Variants in HPCAL1 observed in about 807,000 individuals in gnomAD.
The protein encoded by HPCAL1 is hippocalcin-like protein 1.
A neutral mutation model predicts 17.1 loss-of-function variants in HPCAL1; 8 were observed. That is an observed-to-expected ratio of 0.47 (90% CI 0.27 to 0.84). The LOEUF is 0.84. HPCAL1 is among the 40% of genes least tolerant of loss of function. HPCAL1 has a pLI of 0.13. For synonymous variants in HPCAL1, 112 were observed against 111.4 expected, an observed-to-expected ratio of 1.01 and a Z score of -0.03; for missense variants, 165 against 271.1, an observed-to-expected ratio of 0.61 and a Z score of 2.75.
chr2:10,422,038 AC>A (rs1387310011), intron 3 of HPCAL1, among the ~76,000 whole-genome samples: 1 of 152,128 alleles, frequency 6.6e-6, no homozygotes, highest in Non-Finnish European at 1.5e-5. Context: ...TGTGCCTGTC[AC>A]TGGCCGTGCA....
intron 1 of HPCAL1, among the ~76,000 whole-genome samples, chr2:10,325,316 G>GTT (rs1663941011): frequency 1.3e-5 from 2 of 152,188 alleles, no homozygotes; most frequent in Non-Finnish European, 2.9e-5. Flanking sequence ...TCAGTTCACA[G>GTT]GTGTGCTCTC....
intron 3 of HPCAL1, among the ~76,000 whole-genome samples, chr2:10,421,769 C>G (rs1671076736): frequency 6.6e-6 from 1 of 152,178 alleles, no homozygotes; most frequent in Admixed American, 6.5e-5. Flanking sequence ...TGGTAGGGAA[C>G]TTCAGGGGTG....
At position 10,426,996 on chromosome 2, in the gene HPCAL1, G is replaced by A. The variant is rs188822963; in HGVS notation, c.*175G>A. On this transcript the variant is annotated 3_prime_UTR_variant, in exon 5 of 5. Transcript: ENST00000307845. ...CCTCCCTCCTCCACCTGACCAACGC[G>A]ACATTCCTCCCCTCACGCCTGGCCC... The A allele has an allele frequency of 2.2e-4, 137 of 612,270 alleles. No homozygotes were observed. The highest frequency in any genetic ancestry group is 8.9e-4 in the Middle Eastern group (2 of 2,256). 37.9% of individuals were successfully genotyped at this position (612,270 alleles called of 1,614,324 possible).
At chr2:10,390,023 G>A (rs1225627533) in intron 1 of HPCAL1, among the ~76,000 whole-genome samples, 5 of 152,226 alleles carry the variant, frequency 3.3e-5, no homozygotes, top group African/African-American at 4.8e-5. Flanking sequence ...CAAATGCCCT[G>A]GTAGTGGGAG....
intron 1 of HPCAL1, among the ~76,000 whole-genome samples, chr2:10,349,528 C>T (rs1043837603): frequency 1.3e-5 from 2 of 151,010 alleles, no homozygotes; most frequent in Admixed American, 6.6e-5. Context: ...ACGGTGAAAC[C>T]CTGTCTCTAC....
rs899798978 is a variant in HPCAL1 at position 10,377,966 on chromosome 2, G to A, written c.-110-18869G>A. 6.6e-5 allele frequency among the ~76,000 whole-genome samples: 10 copies of A among 152,278 alleles called. No individual in the cohort carries two copies. Among genetic ancestry groups the A allele is most frequent in the South Asian group, 6.2e-4 (3 of 4,826 alleles). Reference sequence around the variant, plus strand: ...GAGGGCACGGGTGAGGCGGGGAGGCGTTTCGACTTTGGACTGAAGGCCTTA... The same window carrying A: ...GAGGGCACGGGTGAGGCGGGGAGGCATTTCGACTTTGGACTGAAGGCCTTA... On this transcript the variant is annotated intron_variant, in intron 1 of 4. Transcript: ENST00000307845. This position sits in a 1 kb window ranked among gnomAD's most constrained non-coding sequence, Gnocchi z 5.9.
rs373962278 is a variant in HPCAL1, at chr2:10,389,645, G to A, written c.-110-7190G>A. On this transcript the variant is annotated intron_variant, in intron 1 of 4. Transcript: ENST00000307845. Reference sequence around the variant, plus strand: ...TTAGAGTGGCCTGGAGGAAGACACAGTATTAAGTAAGGCTTCGTGTCTGAC... The same window carrying A: ...TTAGAGTGGCCTGGAGGAAGACACAATATTAAGTAAGGCTTCGTGTCTGAC... Among the ~76,000 whole-genome samples the A allele has an allele frequency of 6.2e-4, 95 of 152,382 alleles. 1 individual carries two copies. Among genetic ancestry groups the A allele is most frequent in the African/African-American group, 2.3e-3 (94 of 41,594 alleles).
At chr2:10,349,778 G>A (rs1490586889) in intron 1 of HPCAL1, among the ~76,000 whole-genome samples, 5 of 129,116 alleles carry the variant, frequency 3.9e-5, no homozygotes, top group Non-Finnish European at 6.4e-5. Context: ...GACATAAAAC[G>A]TTTCATTTTC....
At chr2:10,379,005 A>G (rs1004034437) in intron 1 of HPCAL1, among the ~76,000 whole-genome samples, 1 of 152,094 alleles carries the variant, frequency 6.6e-6, no homozygotes, top group Non-Finnish European at 1.5e-5. Context: ...TTTCCACTTA[A>G]GACAATATCA....
Position 10,420,209 on chromosome 2 carries a change from CTTTTTTTTTTT to C in HPCAL1, c.378+86_378+96del, listed in dbSNP as rs369044166. On this transcript the variant is annotated intron_variant, in intron 3 of 4. Coordinates refer to ENST00000307845, the MANE Select transcript of HPCAL1 (RefSeq NM_002149.4). ...CCAGCTCCCAGCCCCCAGCCCAGGG[CTTTTTTTTTTT>C]TTTTTTTTTTTAAGACAGGAATCTT... The C allele has an allele frequency of 7.7e-4, 442 of 572,008 alleles. 2 individuals are homozygous for C. Among genetic ancestry groups the C allele is most frequent in the Admixed American group, 2.3e-4 (5 of 21,550 alleles). 35.4% of individuals were successfully genotyped at this position (572,008 alleles called of 1,614,324 possible). A position where few individuals can be genotyped will look rare whatever the true frequency, so the allele number is the denominator to read the frequency against.
chr2:10,328,772 G>T (rs1664169332), intron 1 of HPCAL1, among the ~76,000 whole-genome samples: 2 of 151,884 alleles, frequency 1.3e-5, no homozygotes, highest in Admixed American at 1.3e-4. Context: ...ATATTTATTG[G>T]CTCTGTTTCT....
intron 1 of HPCAL1, among the ~76,000 whole-genome samples, chr2:10,393,051 GC>G (rs1668807322): frequency 6.6e-6 from 1 of 152,204 alleles, no homozygotes. Flanking sequence ...GTAGATCTGT[GC>G]CCAGCAGGTC....
In HPCAL1 at chr2:10,367,330, C is replaced by T. The variant is rs1666912010; in HGVS notation, c.-110-29505C>T. 1.3e-5 allele frequency among the ~76,000 whole-genome samples: 2 copies of T among 151,638 alleles called. No homozygotes were observed. On this transcript the variant is annotated intron_variant, in intron 1 of 4. Coordinates refer to ENST00000307845, the MANE Select transcript of HPCAL1 (RefSeq NM_002149.4). The surrounding 1 kb of genome is among the most constrained non-coding windows in gnomAD (Gnocchi z 4.4). ...TTGAGACAGAGTCTTGCTCTGTCAC[C>T]CAGGCTAGAGTGCGAGCTCGATCAT...
In HPCAL1 at chr2:10,330,543, G is replaced by C. The variant is rs553110627; in HGVS notation, c.-111+27366G>C. ...GGTGGCGGCAGGGTTGGTGTCACCCGAGGCCTCTCTCCTCGGCTCCGTGTA... is the reference window on the plus strand; with the variant it reads ...GGTGGCGGCAGGGTTGGTGTCACCCCAGGCCTCTCTCCTCGGCTCCGTGTA... On this transcript the variant is annotated intron_variant, in intron 1 of 4. Transcript: ENST00000307845. This position sits in a 1 kb window ranked among gnomAD's most constrained non-coding sequence, Gnocchi z 4.2. Among the ~76,000 whole-genome samples, 1 of 152,006 alleles carries C rather than the reference G, an allele frequency of 6.6e-6. No homozygotes were observed. The highest frequency in any genetic ancestry group is 1.5e-5 in the Non-Finnish European group (1 of 67,992).
At chr2:10,305,176 AG>A (rs1315132048) in intron 1 of HPCAL1, among the ~76,000 whole-genome samples, 1 of 152,146 alleles carries the variant, frequency 6.6e-6, no homozygotes, top group East Asian at 1.9e-4. Context: ...ACAAGAAAAA[AG>A]GGCTTTTGGT....
intron 1 of HPCAL1, among the ~76,000 whole-genome samples, chr2:10,371,320 G>A (rs1341946213): frequency 6.6e-6 from 1 of 151,058 alleles, no homozygotes; most frequent in African/African-American, 2.4e-5. Context: ...GTCCACACCT[G>A]CCCCCGTCTT....
chr2:10,312,528 A>G (rs887861261), intron 1 of HPCAL1, among the ~76,000 whole-genome samples: 1 of 150,446 alleles, frequency 6.6e-6, no homozygotes, highest in African/African-American at 2.5e-5. Flanking sequence ...TATCACCATC[A>G]TCATCACCAC....
intron 1 of HPCAL1, among the ~76,000 whole-genome samples, chr2:10,318,699 T>G (rs972721184): frequency 6.6e-6 from 1 of 152,168 alleles, no homozygotes; most frequent in East Asian, 1.9e-4. Flanking sequence ...GCTTAGAGAC[T>G]TGAGAGGAGG....
At chr2:10,345,900 C>T (rs1199080787) in intron 1 of HPCAL1, among the ~76,000 whole-genome samples, 9 of 152,150 alleles carry the variant, frequency 5.9e-5, no homozygotes, top group South Asian at 2.1e-4. Context: ...GCAAGGACTG[C>T]GAACTTTTGC....
Sources: gnomAD v4.1 joint callset for allele counts (sites outside exome capture counted in the v4.1 genomes callset) on GRCh38, gnomAD v4.1.1 for gene constraint, Gnocchi (gnomAD v3.1) non-coding constraint, MANE v1.5 for transcripts, NCBI Gene and HGNC (gene_info 2026-07-23, HGNC 2026-07-21) for gene names.